Variants in IFT88 observed in about 807,000 individuals in gnomAD.
IFT88 encodes the protein intraflagellar transport 88, also known as intraflagellar transport protein 88 homolog.
A neutral mutation model predicts 119.5 loss-of-function variants in IFT88; 74 were observed. That is an observed-to-expected ratio of 0.62 (90% CI 0.51 to 0.75). IFT88 has a LOEUF of 0.75. Ranked by LOEUF, IFT88 falls within the 30% of genes least tolerant of loss-of-function variation. The pLI is 0.00. For missense variants in IFT88, 961 were observed against 977.7 expected (o/e 0.98, Z 0.23); for synonymous variants, 279 against 316.7 (o/e 0.88, Z 1.26).
chr13:20,568,748 C>A (rs2035518778), intron 1 of IFT88, among the ~76,000 whole-genome samples: 1 of 151,982 alleles, frequency 6.6e-6, no homozygotes, highest in Admixed American at 6.6e-5. Context: ...GACGGAGTCG[C>A]ACGCTCTGTT....
At chr13:20,579,907 T>C (rs755614189) in intron 2 of IFT88, among the ~76,000 whole-genome samples, 6 of 152,188 alleles carry the variant, frequency 3.9e-5, no homozygotes, top group Admixed American at 6.5e-5. Context: ...TTCAAGGGAA[T>C]TTAGTATAAA....
At chr13:20,584,381 T>C (rs1160576963) in intron 3 of IFT88, among the ~76,000 whole-genome samples, 1 of 152,184 alleles carries the variant, frequency 6.6e-6, no homozygotes, top group Non-Finnish European at 1.5e-5. Flanking sequence ...TGATTTCTTA[T>C]GTTATTCAAA....
At chr13:20,652,278 G>T (rs2051869971) in intron 20 of IFT88, among the ~76,000 whole-genome samples, 1 of 152,088 alleles carries the variant, frequency 6.6e-6, no homozygotes, top group African/African-American at 2.4e-5. Context: ...CCATTGTATT[G>T]TGTCCTTTAA....
chr13:20,579,943 A>G (rs1002568598), intron 2 of IFT88, among the ~76,000 whole-genome samples: 1 of 152,156 alleles, frequency 6.6e-6, no homozygotes, highest in Non-Finnish European at 1.5e-5. Flanking sequence ...AAACCTCCTC[A>G]TTCTCCCAAT....
At chr13:20,681,664 CCTAA>C (rs2057332745) in intron 24 of IFT88, among the ~76,000 whole-genome samples, 1 of 152,208 alleles carries the variant, frequency 6.6e-6, no homozygotes, top group Non-Finnish European at 1.5e-5. Flanking sequence ...GCATTCTGTT[CCTAA>C]CTGTGGTTTG....
chr13:20,677,494 CCTCTTAA>C (rs1286617264), intron 24 of IFT88, among the ~76,000 whole-genome samples: 1 of 152,108 alleles, frequency 6.6e-6, no homozygotes, highest in Non-Finnish European at 1.5e-5. Context: ...TGGTGCGCTG[CCTCTTAA>C]CTTTGGAAAG....
At chr13:20,647,390 T>C (rs1393311898) in intron 20 of IFT88, among the ~76,000 whole-genome samples, 2 of 152,194 alleles carry the variant, frequency 1.3e-5, no homozygotes, top group South Asian at 2.1e-4. Flanking sequence ...TTAGTTCTTA[T>C]GTCACATAGT....
intron 16 of IFT88, among the ~76,000 whole-genome samples, chr13:20,634,960 C>G (rs1282850340): frequency 7.4e-5 from 9 of 122,240 alleles, no homozygotes; most frequent in African/African-American, 2.5e-4. Context: ...TCCCCCCACC[C>G]CACAACAGGC....
intron 24 of IFT88, among the ~76,000 whole-genome samples, chr13:20,689,754 G>GA (rs201345376): frequency 8.1e-4 from 119 of 146,584 alleles, no homozygotes; most frequent in Non-Finnish European, 1.4e-3. Flanking sequence ...ACATTATTCA[G>GA]AAAAAAAAAA....
At chr13:20,665,700 G>A (rs1217900663) in intron 23 of IFT88, among the ~76,000 whole-genome samples, 1 of 152,132 alleles carries the variant, frequency 6.6e-6, no homozygotes, top group South Asian at 2.1e-4. Context: ...CTGTTGTTTC[G>A]CTCAGAAAAC....
intron 24 of IFT88, among the ~76,000 whole-genome samples, chr13:20,679,392 A>G (rs749269519): frequency 2.2e-4 from 34 of 152,218 alleles, no homozygotes; most frequent in East Asian, 1.9e-4. Flanking sequence ...ACAGCAGTCA[A>G]TCCCGTAATG....
chr13:20,605,826 T>TA (rs1342428770), intron 13 of IFT88, among the ~76,000 whole-genome samples: 1 of 152,180 alleles, frequency 6.6e-6, no homozygotes, highest in African/African-American at 2.4e-5. Flanking sequence ...TATTTGTACT[T>TA]ACCACGTTAT....
chr13:20,640,551 C>A (rs543146924), intron 17 of IFT88, among the ~76,000 whole-genome samples: 85 of 149,884 alleles, frequency 5.7e-4, no homozygotes, highest in Middle Eastern at 3.5e-3. Context: ...CCAGCCTGGG[C>A]GACAGAGCGA....
intron 21 of IFT88, among the ~76,000 whole-genome samples, chr13:20,655,998 C>T (rs1269754922): frequency 6.6e-6 from 1 of 151,676 alleles, no homozygotes; most frequent in Non-Finnish European, 1.5e-5. Context: ...GTCCCAGCTA[C>T]TCTGGAGGCT....
chr13:20,641,347 T>C lies in IFT88; in HGVS notation c.1631T>C (p.Leu544Pro), dbSNP rs767032591. The C allele has an allele frequency of 1.2e-5, 20 of 1,613,024 alleles. No individual in the cohort carries two copies. In the Admixed American group the frequency reaches 3.2e-4, roughly 26 times the overall value. ...LDEALDCFLK[L>P]HAILRNSAEV... is the part of the protein sequence containing the mutation. ...GAGGCTTTGGACTGTTTCCTGAAACTTCACGCAATCCTACGAAACAGTGCC... is the reference window on the plus strand; with the variant it reads ...GAGGCTTTGGACTGTTTCCTGAAACCTCACGCAATCCTACGAAACAGTGCC... Residue 544 changes from leucine (L) to proline (P), a missense_variant, in exon 18 of 26, where the codon CTT becomes CCT. Leu to Pro is a moderately conservative substitution (Grantham distance 98, BLOSUM62 -3). Transcript: ENST00000351808.
chr13:20,630,694 C>G (rs1688879970), intron 15 of IFT88, among the ~76,000 whole-genome samples: 1 of 152,176 alleles, frequency 6.6e-6, no homozygotes, highest in African/African-American at 2.4e-5. Context: ...CCACCATGCC[C>G]AGCCTTCCAA....
chr13:20,571,787 G>A (rs905760038), intron 1 of IFT88, among the ~76,000 whole-genome samples: 3 of 152,152 alleles, frequency 2.0e-5, no homozygotes, highest in Non-Finnish European at 2.9e-5. Flanking sequence ...TAGCTGTGGT[G>A]GGCACAATTA....
intron 18 of IFT88, 52 bp from the exon 19 acceptor site, chr13:20,643,403 T>A (rs367834270): frequency 3.0e-5 from 42 of 1,399,664 alleles, no homozygotes; most frequent in Non-Finnish European, 4.1e-5. Flanking sequence ...TAAGTTTGCT[T>A]ATTGCTTAAT....
intron 24 of IFT88, among the ~76,000 whole-genome samples, chr13:20,688,087 G>A (rs1406386975): frequency 6.6e-6 from 1 of 152,236 alleles, no homozygotes; most frequent in Non-Finnish European, 1.5e-5. Flanking sequence ...TGTAATCCCA[G>A]CACTTTGGGA....
Sources: allele counts gnomAD v4.1 joint callset (sites outside exome capture counted in the v4.1 genomes callset), GRCh38; gene constraint gnomAD v4.1.1; transcripts MANE v1.5; gene names NCBI Gene and HGNC (gene_info 2026-07-23, HGNC 2026-07-21).